IQCM: variants seen among roughly 807,000 people sequenced by gnomAD.
IQCM encodes IQ motif containing M.
IQCM carries 45 observed loss-of-function variants against 57.6 expected under a neutral mutation model. The observed-to-expected ratio is 0.78, with a 90% CI of 0.62 to 1.00. IQCM has a LOEUF of 1.00. IQCM is among the 50% of genes least tolerant of loss of function. The pLI is 0.00. For missense variants in IQCM, 468 were observed against 511.6 expected (o/e 0.91, Z 0.82); for synonymous variants, 148 against 158.9 (o/e 0.93, Z 0.51).
intron 2 of IQCM, among the ~76,000 whole-genome samples, chr4:149,764,513 C>G (rs1325950971): frequency 6.6e-6 from 1 of 152,184 alleles, no homozygotes; most frequent in African/African-American, 2.4e-5. Flanking sequence ...GCCCATACAT[C>G]TCTCTCTTGT....
intron 12 of IQCM, among the ~76,000 whole-genome samples, chr4:149,467,489 T>C (rs1416031747): frequency 6.6e-6 from 1 of 152,294 alleles, no homozygotes; most frequent in African/African-American, 2.4e-5. Context: ...AATAACATGA[T>C]AAATAAGTAA....
intron 8 of IQCM, among the ~76,000 whole-genome samples, chr4:149,620,448 A>T (rs562356667): frequency 2.0e-5 from 3 of 152,366 alleles, no homozygotes; most frequent in South Asian, 4.1e-4. Flanking sequence ...ACATATTCAC[A>T]CACACAACAG....
At chr4:149,410,728 T>A (rs1382688393) in intron 13 of IQCM, among the ~76,000 whole-genome samples, 2 of 152,026 alleles carry the variant, frequency 1.3e-5, no homozygotes, top group Non-Finnish European at 2.9e-5. Context: ...AAAGTCAGAC[T>A]TCTATCTTTA....
At position 149,581,116 on chromosome 4, in the gene IQCM, G is replaced by C. The variant is rs150800431; in HGVS notation, c.749+6814C>G. Among the ~76,000 whole-genome samples the C allele has an allele frequency of 1.5e-3, 221 of 151,706 alleles. 3 individuals are homozygous for C. The East Asian group carries it at 0.024, about 16-fold the overall frequency. ...TAGGATTTGGTGGTTGGGGAGTTCT[G>C]GCAGGGATCAAATACGCAATTTTAA... On this transcript the variant is annotated intron_variant, in intron 9 of 13. Coordinates refer to ENST00000636793, the MANE Select transcript of IQCM (RefSeq NM_001363507.2).
chr4:149,465,294 T>C (rs922713980), intron 12 of IQCM, among the ~76,000 whole-genome samples: 5 of 152,282 alleles, frequency 3.3e-5, no homozygotes, highest in Admixed American at 1.3e-4. Context: ...TTTATATAAA[T>C]AATACAGAAA....
chr4:149,511,021 A>G (rs1744352196), intron 12 of IQCM, among the ~76,000 whole-genome samples: 1 of 152,192 alleles, frequency 6.6e-6, no homozygotes, highest in Non-Finnish European at 1.5e-5. Flanking sequence ...CTTTCCTAAA[A>G]TACTTCCTCA....
At chr4:149,429,238 C>T (rs940336274) in intron 13 of IQCM, among the ~76,000 whole-genome samples, 1 of 151,836 alleles carries the variant, frequency 6.6e-6, no homozygotes, top group Non-Finnish European at 1.5e-5. Flanking sequence ...AGCTTGAGGA[C>T]AGACAGTGCA....
chr4:149,361,893 C>A (rs145270464), intron 13 of IQCM, among the ~76,000 whole-genome samples: 342 of 152,256 alleles, frequency 2.2e-3, no homozygotes, highest in African/African-American at 8.0e-3. Flanking sequence ...ACAGCTTGCA[C>A]CGTGTGCCTG....
At chr4:149,356,979 T>C (rs1729044048) in intron 13 of IQCM, among the ~76,000 whole-genome samples, 1 of 152,200 alleles carries the variant, frequency 6.6e-6, no homozygotes. Context: ...TAAGCTGGAT[T>C]CCTAGGTATT....
Position 149,388,776 on chromosome 4 carries a change from C to T in IQCM, c.1391-36710G>A, listed in dbSNP as rs866317925. Among the ~76,000 whole-genome samples the T allele has an allele frequency of 1.9e-3, 274 of 141,698 alleles. 1 individual carries two copies. Among genetic ancestry groups the T allele is most frequent in the African/African-American group, 6.2e-3 (238 of 38,628 alleles). The allele number at this position is 141,698 out of a possible 152,430, so 93.0% of individuals were successfully genotyped here. Reference sequence around the variant, plus strand: ...AATATATATATGACATATATATATACACACACACACACACATATAATCAGA... The same window carrying T: ...AATATATATATGACATATATATATATACACACACACACACATATAATCAGA... On this transcript the variant is annotated intron_variant, in intron 13 of 13. Coordinates refer to ENST00000636793, the MANE Select transcript of IQCM (RefSeq NM_001363507.2).
Position 149,790,323 on chromosome 4 carries a change from C to T in IQCM, c.-49+24988G>A, listed in dbSNP as rs757966443. 8.8e-5 allele frequency: 19 copies of T among 214,936 alleles called. 1 individual carries two copies. The South Asian group carries it at 8.9e-4, about 10-fold the overall frequency. 13.3% of individuals were successfully genotyped at this position (214,936 alleles called of 1,614,324 possible). A position where few individuals can be genotyped will look rare whatever the true frequency, so the allele number is the denominator to read the frequency against. ...TCATGAATCATGTATTCTGCATTTG[C>T]GAGCTGCCTTCTTCCTTGTTGAGTT... On this transcript the variant is annotated intron_variant, in intron 2 of 13. Coordinates refer to ENST00000636793, the MANE Select transcript of IQCM (RefSeq NM_001363507.2).
At chr4:149,479,955 A>C (rs939694203) in intron 12 of IQCM, among the ~76,000 whole-genome samples, 2 of 152,226 alleles carry the variant, frequency 1.3e-5, no homozygotes, top group African/African-American at 4.8e-5. Flanking sequence ...ACCCAGAAAA[A>C]TTAAGTGTGA....
chr4:149,710,310 C>G (rs1450262151), intron 5 of IQCM, among the ~76,000 whole-genome samples: 1 of 152,082 alleles, frequency 6.6e-6, no homozygotes, highest in Non-Finnish European at 1.5e-5. Flanking sequence ...AAGTTGTAAA[C>G]CCAAGGCCCA....
In IQCM at chr4:149,594,965, A is replaced by C. The variant is rs537384061; in HGVS notation, c.682-6968T>G. Among the ~76,000 whole-genome samples the C allele has an allele frequency of 6.0e-3, 907 of 152,246 alleles. 13 individuals carry two copies. The highest frequency in any genetic ancestry group is 0.021 in the African/African-American group (872 of 41,546). ...GGGGTGGAGAGTTCTGTAGATGTCT[A>C]TTAGGTCCACTTGGTGCAGAGCTGA... On this transcript the variant is annotated intron_variant, in intron 8 of 13. Coordinates refer to ENST00000636793, the MANE Select transcript of IQCM (RefSeq NM_001363507.2).
intron 7 of IQCM, among the ~76,000 whole-genome samples, chr4:149,661,800 C>T (rs543954843): frequency 2.6e-5 from 4 of 152,096 alleles, no homozygotes; most frequent in South Asian, 2.1e-4. Flanking sequence ...GTTGTAATGT[C>T]TCCTTTTTTA....
intron 8 of IQCM, among the ~76,000 whole-genome samples, chr4:149,590,543 C>A (rs572942988): frequency 6.6e-6 from 1 of 152,028 alleles, no homozygotes; most frequent in East Asian, 2.0e-4. Context: ...CGGTGGTTTG[C>A]TGCACCCATC....
chr4:149,541,149 A>G (rs1440871321), intron 12 of IQCM, among the ~76,000 whole-genome samples: 3 of 152,150 alleles, frequency 2.0e-5, no homozygotes, highest in Non-Finnish European at 2.9e-5. Context: ...ATATATTGGT[A>G]AAGGAGCAGA....
chr4:149,536,213 T>C (rs534410084), intron 12 of IQCM, among the ~76,000 whole-genome samples: 1 of 152,084 alleles, frequency 6.6e-6, no homozygotes, highest in Admixed American at 6.6e-5. Context: ...AACATCCATT[T>C]ACAGTAGGCA....
chr4:149,527,931 A>C (rs1746326464), intron 12 of IQCM, among the ~76,000 whole-genome samples: 1 of 151,906 alleles, frequency 6.6e-6, no homozygotes, highest in African/African-American at 2.4e-5. Context: ...TCTTGTACAT[A>C]ATAGGTACTT....
Sources: allele counts gnomAD v4.1 joint callset (sites outside exome capture counted in the v4.1 genomes callset), GRCh38; gene constraint gnomAD v4.1.1; transcripts MANE v1.5; gene names NCBI Gene and HGNC (gene_info 2026-07-23, HGNC 2026-07-21).